The following OR14L1 variants were observed in gnomAD, a reference collection of about 807,000 sequenced individuals.
The protein encoded by OR14L1 is olfactory receptor 14L1.
the OR14L1 span, chr1:247,620,729 A>C: frequency 6.6e-6 from 1 of 152,184 alleles, no homozygotes; most frequent in African/African-American, 2.4e-5. Flanking sequence ...CATACTAACC[A>C]TATTTGGGTG....
At chr1:247,617,733 C>T in the OR14L1 span, among the ~76,000 whole-genome samples, 5 of 126,526 alleles carry the variant, frequency 4.0e-5, no homozygotes, top group Non-Finnish European at 6.6e-5. Context: ...TGTGTAGTCT[C>T]GATGTATGGT....
the OR14L1 span, chr1:247,620,442 C>T: frequency 6.6e-6 from 1 of 152,048 alleles, no homozygotes; most frequent in Admixed American, 6.6e-5. Context: ...ATTCTCCCCC[C>T]GTTCTGGATG....
the OR14L1 span, among the ~76,000 whole-genome samples, chr1:247,617,875 A>G: frequency 1.3e-5 from 2 of 152,146 alleles, no homozygotes; most frequent in Non-Finnish European, 2.9e-5. Flanking sequence ...AAAAGAGTCA[A>G]TTCCAATGCC....
At chr1:247,619,556 A>G in the OR14L1 span, 1 of 152,224 alleles carries the variant, frequency 6.6e-6, no homozygotes. Flanking sequence ...AATTATCACA[A>G]ATTGAAATAT....
the OR14L1 span, chr1:247,620,388 CTT>C: frequency 6.6e-6 from 1 of 152,172 alleles, no homozygotes; most frequent in Admixed American, 6.5e-5. Context: ...TTGTAACACT[CTT>C]TATGATATCT....
At chr1:247,617,836 C>T in the OR14L1 span, among the ~76,000 whole-genome samples, 2 of 147,842 alleles carry the variant, frequency 1.4e-5, no homozygotes, top group African/African-American at 5.0e-5. Context: ...AACATGTTTG[C>T]ATTGACTGAA....
chr1:247,619,164 C>A, the OR14L1 span, among the ~76,000 whole-genome samples: 1 of 152,192 alleles, frequency 6.6e-6, no homozygotes, highest in East Asian at 1.9e-4. Flanking sequence ...TTTCAGATTA[C>A]TAATACCACT....
the OR14L1 span, among the ~76,000 whole-genome samples, chr1:247,618,646 T>C: frequency 6.6e-6 from 1 of 152,176 alleles, no homozygotes; most frequent in African/African-American, 2.4e-5. Flanking sequence ...TCTTTGAATC[T>C]CAACATTGAA....
the OR14L1 span, among the ~76,000 whole-genome samples, chr1:247,617,597 T>C: frequency 6.6e-6 from 1 of 152,212 alleles, no homozygotes; most frequent in African/African-American, 2.4e-5. Flanking sequence ...GCAATGCACA[T>C]CCATGAAAGC....
the OR14L1 span, among the ~76,000 whole-genome samples, chr1:247,619,199 A>AAAG: frequency 2.3e-3 from 344 of 152,320 alleles, 1 homozygote; most frequent in African/African-American, 7.4e-3. Flanking sequence ...ATAAAACTGA[A>AAAG]AAGAACTATG....
chr1:247,619,050 C>T, the OR14L1 span, among the ~76,000 whole-genome samples: 22 of 152,256 alleles, frequency 1.4e-4, no homozygotes, highest in African/African-American at 4.1e-4. Context: ...TAAGAGCCAA[C>T]CATTGTGCTT....
the OR14L1 span, chr1:247,620,885 A>G: frequency 2.0e-5 from 3 of 152,192 alleles, no homozygotes; most frequent in Non-Finnish European, 2.9e-5. Flanking sequence ...TTAATATAAA[A>G]GTGAATTACT....
At chr1:247,617,257 A>G in the OR14L1 span, 1 of 152,250 alleles carries the variant, frequency 6.6e-6, no homozygotes, top group Non-Finnish European at 1.5e-5. Context: ...CTACAGCCAC[A>G]TTGTTAGATT....
chr1:247,618,631 C>T, the OR14L1 span, among the ~76,000 whole-genome samples: 424 of 152,184 alleles, frequency 2.8e-3, 1 homozygote, highest in African/African-American at 9.6e-3. Context: ...AATTGATATT[C>T]TTTTTCTTTG....
the OR14L1 span, chr1:247,621,436 A>G: frequency 6.6e-6 from 1 of 152,218 alleles, no homozygotes; most frequent in Non-Finnish European, 1.5e-5. Context: ...AAATAATTAT[A>G]TATGCCTATG....
chr1:247,617,850 T>A, the OR14L1 span, among the ~76,000 whole-genome samples: 13 of 152,074 alleles, frequency 8.5e-5, no homozygotes, highest in Non-Finnish European at 1.9e-4. Context: ...GACTGAATTT[T>A]AAAAAATTCA....
chr1:247,618,479 T>C, the OR14L1 span, among the ~76,000 whole-genome samples: 3 of 151,846 alleles, frequency 2.0e-5, no homozygotes, highest in African/African-American at 7.3e-5. Context: ...GCTTAAACAC[T>C]ATAGAAGTCT....
At chr1:247,617,659 T>C in the OR14L1 span, among the ~76,000 whole-genome samples, 29 of 151,438 alleles carry the variant, frequency 1.9e-4, no homozygotes, top group Middle Eastern at 3.4e-3. Flanking sequence ...GTGTGGTGAA[T>C]TGGATGAGTC....
chr1:247,621,735 T>C, the OR14L1 span: 13 of 152,294 alleles, frequency 8.5e-5, no homozygotes, highest in Admixed American at 7.2e-4. Flanking sequence ...TCAGCACCAT[T>C]CTACTCTGTA....
Sources: gnomAD v4.1 joint callset for allele counts (sites outside exome capture counted in the v4.1 genomes callset) on GRCh38, gnomAD v4.1.1 for gene constraint, MANE v1.5 for transcripts, NCBI Gene and HGNC (gene_info 2026-07-23, HGNC 2026-07-21) for gene names.